The following GRM8 variants were observed in gnomAD, a reference collection of about 807,000 sequenced individuals.
GRM8 encodes metabotropic glutamate receptor 8.
In GRM8, 47 loss-of-function variants were observed where a neutral mutation model predicts 87.2. The ratio of observed to expected loss-of-function variants is 0.54; its 90% CI spans 0.43 to 0.69. The LOEUF is 0.69. Ranked by LOEUF, GRM8 falls within the 30% of genes least tolerant of loss-of-function variation. The pLI is 0.00. For missense variants in GRM8, 1,019 were observed against 1,139.2 expected (o/e 0.89, Z 1.52); for synonymous variants, 396 against 404.5 (o/e 0.98, Z 0.25).
chr7:126,649,771 C>G (rs1329487702), intron 7 of GRM8, among the ~76,000 whole-genome samples: 1 of 152,104 alleles, frequency 6.6e-6, no homozygotes, highest in Non-Finnish European at 1.5e-5. Context: ...ATCGAGTGAC[C>G]CAAAAGGCTG....
intron 3 of GRM8, among the ~76,000 whole-genome samples, chr7:126,972,896 G>T (rs1810574128): frequency 6.6e-6 from 1 of 152,090 alleles, no homozygotes. Context: ...TGCCTACTGG[G>T]AACTATAATT....
At chr7:127,210,386 A>C (rs1200401573) in intron 2 of GRM8, among the ~76,000 whole-genome samples, 1 of 152,188 alleles carries the variant, frequency 6.6e-6, no homozygotes, top group East Asian at 1.9e-4. Flanking sequence ...CATTGGCTAA[A>C]AAGGTTTTGG....
intron 3 of GRM8, among the ~76,000 whole-genome samples, chr7:127,024,175 A>T (rs1224086073): frequency 6.6e-6 from 1 of 152,114 alleles, no homozygotes; most frequent in Non-Finnish European, 1.5e-5. Context: ...TTGGCTATTA[A>T]CAGCTGCCAC....
chr7:126,452,423 TA>T (rs1424592285), intron 9 of GRM8, among the ~76,000 whole-genome samples: 1 of 110,668 alleles, frequency 9.0e-6, no homozygotes, highest in African/African-American at 3.5e-5. Context: ...CCGTAAAACT[TA>T]AAGTATAATA....
chr7:126,732,447 T>C (rs529305025), intron 7 of GRM8, among the ~76,000 whole-genome samples: 92 of 152,264 alleles, frequency 6.0e-4, no homozygotes, highest in African/African-American at 2.2e-3. Context: ...CCTTAAGAGT[T>C]ATTAGTAGAA....
intron 3 of GRM8, among the ~76,000 whole-genome samples, chr7:126,976,903 T>A (rs939252650): frequency 6.8e-5 from 9 of 131,428 alleles, no homozygotes; most frequent in Admixed American, 2.8e-4. Flanking sequence ...TTTTCATTAT[T>A]TTTTTTTTTT....
intron 6 of GRM8, among the ~76,000 whole-genome samples, chr7:126,880,417 A>C (rs1228262498): frequency 6.6e-6 from 1 of 152,172 alleles, no homozygotes; most frequent in Non-Finnish European, 1.5e-5. Context: ...AAAATTAAGG[A>C]TCTGAAATAT....
chr7:126,945,573 T>G (rs766273234), intron 3 of GRM8, among the ~76,000 whole-genome samples: 4 of 152,210 alleles, frequency 2.6e-5, no homozygotes, highest in Non-Finnish European at 5.9e-5. Context: ...CTGCCTTCAG[T>G]CTATACATAT....
intron 8 of GRM8, among the ~76,000 whole-genome samples, chr7:126,566,661 A>G (rs1331132939): frequency 1.3e-5 from 2 of 152,194 alleles, no homozygotes; most frequent in African/African-American, 4.8e-5. Context: ...CCCATGACCC[A>G]GCAGTCTCCC....
intron 6 of GRM8, among the ~76,000 whole-genome samples, chr7:126,820,875 C>T (rs551971028): frequency 3.9e-5 from 6 of 152,188 alleles, no homozygotes; most frequent in Admixed American, 6.5e-5. Context: ...CCAAGGTGGG[C>T]GGATCGCTTG....
chr7:126,993,744 C>T (rs537534610), intron 3 of GRM8, among the ~76,000 whole-genome samples: 4 of 152,268 alleles, frequency 2.6e-5, no homozygotes, highest in African/African-American at 7.2e-5. Context: ...AAAGCAAAAG[C>T]GTGATGAACT....
chr7:127,062,489 AG>A (rs1374464071), intron 3 of GRM8, among the ~76,000 whole-genome samples: 2 of 152,220 alleles, frequency 1.3e-5, no homozygotes, highest in Non-Finnish European at 2.9e-5. Flanking sequence ...AGCTGGTGTC[AG>A]GGGACATGGG....
At chr7:127,141,892 A>C (rs2133270342) in intron 2 of GRM8, among the ~76,000 whole-genome samples, 1 of 152,254 alleles carries the variant, frequency 6.6e-6, no homozygotes, top group South Asian at 2.1e-4. Context: ...GGGCTTCACA[A>C]AAATAGGACC....
chr7:126,909,862 C>T (rs935991355), intron 3 of GRM8, among the ~76,000 whole-genome samples: 78 of 152,110 alleles, frequency 5.1e-4, no homozygotes, highest in African/African-American at 1.8e-3. Context: ...ATACTGAAAT[C>T]CAGGTTCAAA....
intron 7 of GRM8, among the ~76,000 whole-genome samples, chr7:126,769,452 C>A (rs1387071892): frequency 6.6e-6 from 1 of 152,054 alleles, no homozygotes; most frequent in Non-Finnish European, 1.5e-5. Flanking sequence ...TCCAAGTCAT[C>A]CATTTTCTTC....
intron 3 of GRM8, among the ~76,000 whole-genome samples, chr7:126,991,372 G>C: frequency 6.6e-6 from 1 of 152,084 alleles, no homozygotes; most frequent in East Asian, 1.9e-4. Context: ...TTTCTCTTTA[G>C]CAGCTTATCT....
chr7:126,739,454 T>C (rs1814679191), intron 7 of GRM8, among the ~76,000 whole-genome samples: 1 of 151,902 alleles, frequency 6.6e-6, no homozygotes, highest in Non-Finnish European at 1.5e-5. Flanking sequence ...ATAGTTTATA[T>C]TAGTAAAGTA....
intron 7 of GRM8, among the ~76,000 whole-genome samples, chr7:126,647,946 C>A (rs138443972): frequency 1.3e-5 from 2 of 152,120 alleles, no homozygotes; most frequent in Admixed American, 1.3e-4. Flanking sequence ...TGCCATTGTA[C>A]ATTGGAAGAA....
chr7:126,471,983 C>A (rs1388639955), intron 9 of GRM8, among the ~76,000 whole-genome samples: 1 of 152,098 alleles, frequency 6.6e-6, no homozygotes, highest in Non-Finnish European at 1.5e-5. Context: ...CATGATTTGG[C>A]TCTCTGTCTG....
Sources: allele counts gnomAD v4.1 joint callset (sites outside exome capture counted in the v4.1 genomes callset), GRCh38; gene constraint gnomAD v4.1.1; transcripts MANE v1.5; gene names NCBI Gene and HGNC (gene_info 2026-07-23, HGNC 2026-07-21).